The following GRK5 variants were observed in gnomAD, a reference collection of about 807,000 sequenced individuals.
GRK5 encodes the protein g protein-coupled receptor kinase GRK5.
A neutral mutation model predicts 78.4 loss-of-function variants in GRK5; 40 were observed. That is an observed-to-expected ratio of 0.51 (90% CI 0.40 to 0.66). The LOEUF is 0.66. Ranked by LOEUF, GRK5 falls within the 30% of genes least tolerant of loss-of-function variation. GRK5 has a pLI of 0.00. For missense variants in GRK5, 598 were observed against 759.9 expected (o/e 0.79, Z 2.50); for synonymous variants, 289 against 296.8 (o/e 0.97, Z 0.27).
At chr10:119,427,491 C>T (rs1287783775) in intron 6 of GRK5, among the ~76,000 whole-genome samples, 5 of 150,588 alleles carry the variant, frequency 3.3e-5, no homozygotes, top group Admixed American at 2.1e-4. Context: ...AGCATCACCG[C>T]CATCATCAGC....
At chr10:119,258,993 G>T (rs1301807645) in intron 1 of GRK5, among the ~76,000 whole-genome samples, 1 of 152,050 alleles carries the variant, frequency 6.6e-6, no homozygotes, top group Non-Finnish European at 1.5e-5. Flanking sequence ...AGGTGCAACA[G>T]TGACAGGGCA....
At chr10:119,210,066 G>C (rs1425349151) in intron 1 of GRK5, among the ~76,000 whole-genome samples, 4 of 152,202 alleles carry the variant, frequency 2.6e-5, no homozygotes, top group African/African-American at 9.7e-5. Context: ...CTGCAGGCTG[G>C]AAGCTTGTGT....
At chr10:119,215,131 T>G (rs781303075) in intron 1 of GRK5, among the ~76,000 whole-genome samples, 43 of 152,254 alleles carry the variant, frequency 2.8e-4, no homozygotes, top group Non-Finnish European at 5.7e-4. Context: ...AGGGGCTCTG[T>G]TCAACGTAGT....
chr10:119,419,943 C>A (rs1355420003), intron 4 of GRK5, among the ~76,000 whole-genome samples: 2 of 152,156 alleles, frequency 1.3e-5, no homozygotes, highest in Non-Finnish European at 2.9e-5. Context: ...TGCAGAGTAC[C>A]GGGGGCTAGG....
intron 1 of GRK5, among the ~76,000 whole-genome samples, chr10:119,219,174 C>A (rs1848625045): frequency 6.6e-6 from 1 of 152,170 alleles, no homozygotes; most frequent in African/African-American, 2.4e-5. Flanking sequence ...AGGCTTGAGC[C>A]ACCATGCCCG....
At chr10:119,312,874 T>C (rs2133740538) in intron 1 of GRK5, among the ~76,000 whole-genome samples, 1 of 152,360 alleles carries the variant, frequency 6.6e-6, no homozygotes, top group Non-Finnish European at 1.5e-5. Context: ...GTTTGTCCCT[T>C]GCCAGCTCTG....
chr10:119,418,961 G>A lies in GRK5; in HGVS notation c.340-4205G>A, dbSNP rs574564076. 1.3e-4 allele frequency among the ~76,000 whole-genome samples: 20 copies of A among 152,294 alleles called. No homozygotes were observed. The South Asian group carries it at 1.7e-3, about 13-fold the overall frequency. The stretch of plus-strand genomic sequence containing the variant: ...AAGGGGCATCTTTGATGGGGGAAGC[G>A]TGGCACCCCTGACCATCAGCTCCAT... On this transcript the variant is annotated intron_variant, in intron 4 of 15. Transcript: ENST00000392870.
intron 4 of GRK5, among the ~76,000 whole-genome samples, chr10:119,417,351 C>A (rs1383679397): frequency 6.6e-6 from 1 of 152,218 alleles, no homozygotes; most frequent in Non-Finnish European, 1.5e-5. Context: ...TACTCCAGAT[C>A]ATTCCTGCTT....
intron 3 of GRK5, among the ~76,000 whole-genome samples, chr10:119,384,363 A>C (rs1043583337): frequency 6.6e-6 from 1 of 152,320 alleles, no homozygotes; most frequent in Admixed American, 6.5e-5. Flanking sequence ...CATGATGCAG[A>C]GTGCAGCCTC....
In GRK5 at chr10:119,295,121, C is replaced by T. The variant is rs565962819; in HGVS notation, c.53-31395C>T. On this transcript the variant is annotated intron_variant, in intron 1 of 15. Coordinates refer to ENST00000392870, the MANE Select transcript of GRK5 (RefSeq NM_005308.3). ...AGGAGAATCGCTTGAACCTGGGAGG[C>T]GGAGGTTGCAGTGAGCCGAGATCGC... 6.9e-5 allele frequency among the ~76,000 whole-genome samples: 10 copies of T among 144,330 alleles called. No homozygotes were observed. In the South Asian group the frequency reaches 1.8e-3, roughly 25 times the overall value. 94.7% of individuals were successfully genotyped at this position (144,330 alleles called of 152,430 possible).
At chr10:119,266,963 G>T (rs775543807) in intron 1 of GRK5, among the ~76,000 whole-genome samples, 3 of 152,030 alleles carry the variant, frequency 2.0e-5, no homozygotes, top group Middle Eastern at 6.3e-3. Flanking sequence ...TTTTTGTAGG[G>T]CTGGGAGCGG....
chr10:119,235,973 C>T (rs1172944231), intron 1 of GRK5, among the ~76,000 whole-genome samples: 2 of 152,206 alleles, frequency 1.3e-5, no homozygotes, highest in African/African-American at 4.8e-5. Flanking sequence ...TGGAGCCTCT[C>T]TTGGGCCATA....
chr10:119,376,231 C>T (rs1851618238), intron 2 of GRK5, among the ~76,000 whole-genome samples: 1 of 152,192 alleles, frequency 6.6e-6, no homozygotes, highest in Non-Finnish European at 1.5e-5. Flanking sequence ...CTTCCCCTTT[C>T]CCAGTCACCT....
At chr10:119,443,105 A>G (rs1163492385) in intron 11 of GRK5, among the ~76,000 whole-genome samples, 6 of 152,170 alleles carry the variant, frequency 3.9e-5, no homozygotes, top group African/African-American at 9.7e-5. Context: ...CTGTATTTCT[A>G]TGGTAAATCT....
chr10:119,223,731 A>C (rs1848693307), intron 1 of GRK5, among the ~76,000 whole-genome samples: 1 of 149,134 alleles, frequency 6.7e-6, no homozygotes. Context: ...ATATATCTAT[A>C]TATATTAGAT....
At chr10:119,370,873 G>C (rs7909461) in intron 2 of GRK5, among the ~76,000 whole-genome samples, 2,565 of 151,484 alleles carry the variant, frequency 0.017, 64 homozygotes, top group African/African-American at 0.056. Flanking sequence ...CCCGTAACCT[G>C]GTATTTTGGG....
chr10:119,325,396 C>T (rs1004473675), intron 1 of GRK5, among the ~76,000 whole-genome samples: 2 of 152,110 alleles, frequency 1.3e-5, no homozygotes, highest in African/African-American at 4.8e-5. Context: ...CACTGGGCTC[C>T]CCTGGGTTGC....
intron 1 of GRK5, among the ~76,000 whole-genome samples, chr10:119,223,144 G>C (rs1848683836): frequency 2.0e-5 from 3 of 152,184 alleles, no homozygotes; most frequent in African/African-American, 4.8e-5. Context: ...CCCGTTCCAG[G>C]CCTCTCTCCT....
chr10:119,281,668 C>T (rs75753024), intron 1 of GRK5, among the ~76,000 whole-genome samples: 4 of 152,306 alleles, frequency 2.6e-5, no homozygotes, highest in East Asian at 3.9e-4. Flanking sequence ...CCTGGGTTCC[C>T]GGGGTGGTGG....
Sources: allele counts gnomAD v4.1 joint callset (sites outside exome capture counted in the v4.1 genomes callset), GRCh38; gene constraint gnomAD v4.1.1; transcripts MANE v1.5; gene names NCBI Gene and HGNC (gene_info 2026-07-23, HGNC 2026-07-21).